ZMYND8: variants seen among roughly 807,000 people sequenced by gnomAD.
ZMYND8 encodes the protein MYND-type zinc finger-containing chromatin reader ZMYND8.
Under a neutral mutation model 140.8 loss-of-function variants are expected in ZMYND8, and 37 were observed. That is an observed-to-expected ratio of 0.26 (90% CI 0.20 to 0.35). ZMYND8 has a LOEUF of 0.35. Ranked by LOEUF, ZMYND8 falls within the 10% of genes least tolerant of loss-of-function variation. ZMYND8 has a pLI of 1.00. For missense variants in ZMYND8, 1,068 were observed against 1,570.0 expected, an observed-to-expected ratio of 0.68 and a Z score of 5.40; for synonymous variants, 592 against 597.1, an observed-to-expected ratio of 0.99 and a Z score of 0.12.
At position 47,210,701 on chromosome 20, in the gene ZMYND8, T is replaced by C. The variant is rs764446085; in HGVS notation, c.*60A>G. The C allele has an allele frequency of 1.4e-5, 23 of 1,613,444 alleles. No homozygotes were observed. Among genetic ancestry groups the C allele is most frequent in the Non-Finnish European group, 1.7e-5 (20 of 1,179,634 alleles). On this transcript the variant is annotated 3_prime_UTR_variant, in exon 23 of 23. Coordinates refer to ENST00000471951, the MANE Select transcript of ZMYND8 (RefSeq NM_001281775.3). The stretch of plus-strand genomic sequence containing the variant: ...GTTCTCCTGCCTTTGTTGTTTCTTC[T>C]TTTCCTGGCGTCTGGGTTTTTCTCC...
chr20:47,279,877 C>T (rs1305854505), intron 10 of ZMYND8, among the ~76,000 whole-genome samples: 1 of 151,964 alleles, frequency 6.6e-6, no homozygotes, highest in African/African-American at 2.4e-5. Flanking sequence ...AATCCCAGCA[C>T]TCTGGGAGGC....
At chr20:47,285,793 T>C (rs2076883238) in intron 8 of ZMYND8, 19 of 984,788 alleles carry the variant, frequency 1.9e-5, no homozygotes, top group Non-Finnish European at 2.3e-5. Flanking sequence ...TATACAGCCA[T>C]GAAAAATTCT....
rs964946872 is a variant in ZMYND8, at chr20:47,310,222, C to T, written c.86-18G>A. 1.3e-6 allele frequency: 2 copies of T among 1,584,054 alleles called. No individual in the cohort carries two copies. Among genetic ancestry groups the T allele is most frequent in the East Asian group, 2.2e-5 (1 of 44,774 alleles). On this transcript the variant is annotated intron_variant, in intron 2 of 22. Coordinates refer to ENST00000471951, the MANE Select transcript of ZMYND8 (RefSeq NM_001281775.3). ...GCCAGGATCTGAAAGAGATACAGGA[C>T]CACAGGTTTTAAAGCAGTCAGGGAG...
chr20:47,294,518 CTCA>C, intron 5 of ZMYND8, 145 bp downstream of exon 5: 1 of 688,062 alleles, frequency 1.5e-6, no homozygotes, highest in East Asian at 2.7e-5. Flanking sequence ...GGCATCATAC[CTCA>C]TGTGTGATTT....
chr20:47,274,226 T>C (rs2076126407), intron 11 of ZMYND8, among the ~76,000 whole-genome samples: 1 of 152,254 alleles, frequency 6.6e-6, no homozygotes, highest in Non-Finnish European at 1.5e-5. Context: ...AATGGTCATA[T>C]ATATGCCATG....
chr20:47,210,972 GCCCCTCCTGCACAGGAAACCACCTT>G, intron 22 of ZMYND8, 75 bp from the exon 23 acceptor site: 1 of 1,561,000 alleles, frequency 6.4e-7, no homozygotes, highest in Non-Finnish European at 8.7e-7. Context: ...AATCTGACCT[GCCCCTCCTGCACAGGAAACCACCTT>G]CCCCTCCCAA....
rs930588971 is a variant in ZMYND8, at chr20:47,209,367, T to G, written c.*1394A>C. 1 of 152,112 alleles carries G rather than the reference T, an allele frequency of 6.6e-6. No homozygotes were observed. Among genetic ancestry groups the G allele is most frequent in the Non-Finnish European group, 1.5e-5 (1 of 68,008 alleles). The allele number at this position is 152,112 out of a possible 1,614,324, so 9.4% of individuals were successfully genotyped here. On this transcript the variant is annotated 3_prime_UTR_variant, in exon 23 of 23. Coordinates refer to ENST00000471951, the MANE Select transcript of ZMYND8 (RefSeq NM_001281775.3). ...ACCACCATCAAAAAGATATTTAAGT[T>G]TAATACAAATTTTATACAAAGAAAA...
chr20:47,304,262 G>C (rs796665331), intron 3 of ZMYND8, among the ~76,000 whole-genome samples: 1 of 152,178 alleles, frequency 6.6e-6, no homozygotes, highest in African/African-American at 2.4e-5. Context: ...AAAAGGCCCT[G>C]TCTATTTGCT....
rs1044291868 is a variant in ZMYND8 at position 47,317,112 on chromosome 20, A to C, written c.86-6908T>G. ...AATTTAGGGTCTATGATTTAAGAGC[A>C]CACTCTCATTTTGCCTTTTTTCCCC... On this transcript the variant is annotated intron_variant, in intron 2 of 22. Transcript: ENST00000471951. Among the ~76,000 whole-genome samples, 3 of 152,162 alleles carry C rather than the reference A, an allele frequency of 2.0e-5. No individual in the cohort carries two copies. In the East Asian group the frequency reaches 5.8e-4, roughly 29 times the overall value.
Position 47,262,530 on chromosome 20 carries a change from T to C in ZMYND8, c.1481-102A>G, listed in dbSNP as rs1226671028. On this transcript the variant is annotated intron_variant, in intron 11 of 22. Coordinates refer to ENST00000471951, the MANE Select transcript of ZMYND8 (RefSeq NM_001281775.3). ...AATGGAGAGATTATGAAATTGTGTT[T>C]GATTTCAGCAAGGCCGCTACAGTAT... 1.3e-5 allele frequency: 19 copies of C among 1,491,956 alleles called. No homozygotes were observed. The East Asian group carries it at 4.0e-4, about 31-fold the overall frequency. 92.4% of individuals were successfully genotyped at this position (1,491,956 alleles called of 1,614,324 possible).
intron 3 of ZMYND8, among the ~76,000 whole-genome samples, chr20:47,302,059 C>G (rs927542196): frequency 1.8e-4 from 28 of 152,236 alleles, no homozygotes; most frequent in Non-Finnish European, 3.5e-4. Flanking sequence ...TGAGGCCTCC[C>G]CAGCCATGCT....
intron 2 of ZMYND8, among the ~76,000 whole-genome samples, chr20:47,326,470 A>C (rs1386569100): frequency 6.6e-6 from 1 of 152,214 alleles, no homozygotes; most frequent in East Asian, 1.9e-4. Context: ...AAAATAAAAG[A>C]GGCATGACTT....
intron 1 of ZMYND8, 27 bp from the exon 2 acceptor site, chr20:47,347,953 T>C: frequency 1.2e-6 from 2 of 1,612,154 alleles, no homozygotes; most frequent in Non-Finnish European, 1.7e-6. Flanking sequence ...TATGTTCATG[T>C]TTAGGAAGGC....
At chr20:47,338,976 T>A (rs1387674556) in intron 2 of ZMYND8, among the ~76,000 whole-genome samples, 1 of 150,608 alleles carries the variant, frequency 6.6e-6, no homozygotes, top group Non-Finnish European at 1.5e-5. Flanking sequence ...TATTTCTTTT[T>A]TTTTTTTTTT....
intron 11 of ZMYND8, among the ~76,000 whole-genome samples, chr20:47,263,550 G>C (rs943437008): frequency 6.6e-6 from 1 of 152,176 alleles, no homozygotes; most frequent in African/African-American, 2.4e-5. Context: ...CTGGTGCCAG[G>C]ACCTGCCTGC....
At chr20:47,222,006 T>G (rs1381513330) in intron 19 of ZMYND8, among the ~76,000 whole-genome samples, 2 of 152,218 alleles carry the variant, frequency 1.3e-5, no homozygotes, top group Admixed American at 6.5e-5. Flanking sequence ...CAAGTTTTAT[T>G]AAATCATTCT....
intron 3 of ZMYND8, among the ~76,000 whole-genome samples, chr20:47,303,749 A>G (rs991320144): frequency 6.6e-6 from 1 of 151,378 alleles, no homozygotes; most frequent in African/African-American, 2.4e-5. Context: ...CTCCCTAACC[A>G]GCAACTCAAA....
At position 47,298,365 on chromosome 20, in the gene ZMYND8, A is replaced by G. The variant is rs2077781775; in HGVS notation, c.453+364T>C. 2 of 985,326 alleles carry G rather than the reference A, an allele frequency of 2.0e-6. No homozygotes were observed. Among genetic ancestry groups the G allele is most frequent in the Non-Finnish European group, 2.4e-6 (2 of 829,952 alleles). 61.0% of individuals were successfully genotyped at this position (985,326 alleles called of 1,614,324 possible). On this transcript the variant is annotated intron_variant, in intron 4 of 22. Transcript: ENST00000471951. The surrounding 1 kb of genome is among the most constrained non-coding windows in gnomAD (Gnocchi z 5.0). The stretch of plus-strand genomic sequence containing the variant: ...TGATTCAATGATGCGGCAGGCAACA[A>G]CATCCAAGACGGAGAAAACAGAATG...
chr20:47,237,834 A>T (rs2039440815), intron 15 of ZMYND8: 1 of 152,178 alleles, frequency 6.6e-6, no homozygotes, highest in Non-Finnish European at 1.5e-5. Context: ...ATGCTCACAA[A>T]AGCCAGGCAA....
Sources: gnomAD v4.1 joint callset for allele counts (sites outside exome capture counted in the v4.1 genomes callset) on GRCh38, gnomAD v4.1.1 for gene constraint, Gnocchi (gnomAD v3.1) non-coding constraint, MANE v1.5 for transcripts, NCBI Gene and HGNC (gene_info 2026-07-23, HGNC 2026-07-21) for gene names.